Variants in DGKB observed in about 807,000 individuals in gnomAD.
The protein encoded by DGKB is 90 kDa diacylglycerol kinase.
In DGKB, 67 loss-of-function variants were observed where a neutral mutation model predicts 114.3. The observed-to-expected ratio is 0.59, with a 90% CI of 0.48 to 0.72. The LOEUF (loss-of-function observed/expected upper bound fraction) is 0.72, where lower values mean the gene tolerates loss of function less well. DGKB is among the 30% of genes least tolerant of loss of function. The pLI, the probability that DGKB is intolerant of heterozygous loss-of-function variation, is 0.00. For synonymous variants in DGKB, 398 were observed against 323.1 expected, an observed-to-expected ratio of 1.23 and a Z score of -2.49; for missense variants, 907 against 975.2, an observed-to-expected ratio of 0.93 and a Z score of 0.93.
chr7:14,630,019 A>C (rs1809395083), intron 14 of DGKB, among the ~76,000 whole-genome samples: 1 of 152,030 alleles, frequency 6.6e-6, no homozygotes, highest in African/African-American at 2.4e-5. Flanking sequence ...TTGTTTTCTT[A>C]ATGCTTATCA....
chr7:14,292,407 C>A (rs1380346581), intron 23 of DGKB, among the ~76,000 whole-genome samples: 1 of 152,172 alleles, frequency 6.6e-6, no homozygotes, highest in Non-Finnish European at 1.5e-5. Context: ...CACAGCAATA[C>A]TCCCATTCTG....
chr7:14,820,172 T>C (rs746746233), intron 2 of DGKB, among the ~76,000 whole-genome samples: 1 of 152,188 alleles, frequency 6.6e-6, no homozygotes, highest in Non-Finnish European at 1.5e-5. Context: ...TAAGCCATAC[T>C]TGGTCACCTT....
chr7:14,231,082 C>CCTTTCTTTATTT (rs1791670600), intron 23 of DGKB, among the ~76,000 whole-genome samples: 2 of 121,764 alleles, frequency 1.6e-5, no homozygotes, highest in East Asian at 4.9e-4. Context: ...TTCTTCTTTC[C>CCTTTCTTTATTT]CTTTCTTTCT....
intron 23 of DGKB, among the ~76,000 whole-genome samples, chr7:14,326,994 A>G (rs1051707527): frequency 5.3e-5 from 8 of 152,162 alleles, no homozygotes; most frequent in African/African-American, 1.7e-4. Flanking sequence ...CATGTGTACT[A>G]AAGTCTACCA....
intron 2 of DGKB, among the ~76,000 whole-genome samples, chr7:14,765,426 T>G (rs1836306393): frequency 6.6e-6 from 1 of 152,094 alleles, no homozygotes; most frequent in East Asian, 1.9e-4. Context: ...GACTACAGAT[T>G]TGAGAACATG....
At chr7:14,474,104 T>C (rs1781816488) in intron 21 of DGKB, among the ~76,000 whole-genome samples, 2 of 152,210 alleles carry the variant, frequency 1.3e-5, no homozygotes, top group Admixed American at 1.3e-4. Flanking sequence ...ATGGGCAGAA[T>C]GATATGGTTT....
chr7:14,443,860 G>C (rs73679768), intron 21 of DGKB, among the ~76,000 whole-genome samples: 14,079 of 151,882 alleles, frequency 0.093, 775 homozygotes, highest in East Asian at 0.22. Context: ...TTTATGCACT[G>C]TTACTTTAAA....
intron 1 of DGKB, among the ~76,000 whole-genome samples, chr7:14,973,490 GT>G (rs1012265443): frequency 5.7e-5 from 8 of 139,722 alleles, no homozygotes; most frequent in South Asian, 2.3e-4. Context: ...TTGTTGTTTT[GT>G]TTTTTTGTTT....
intron 25 of DGKB, among the ~76,000 whole-genome samples, chr7:14,149,624 G>A (rs1781885094): frequency 6.6e-6 from 1 of 152,090 alleles, no homozygotes; most frequent in Admixed American, 6.6e-5. Flanking sequence ...CACCATTATA[G>A]TTTCCAGAGT....
At position 14,626,062 on chromosome 7, in the gene DGKB, A is replaced by C. The variant is rs546046288; in HGVS notation, c.1167+4174T>G. On this transcript the variant is annotated intron_variant, in intron 14 of 25. Coordinates refer to ENST00000402815, the MANE Select transcript of DGKB (RefSeq NM_001350709.2). ...AGAAAATAGAAAGGTGAAATGAATA[A>C]AATAAAAAGACCTCACTTTAAATAT... 1.7e-3 allele frequency among the ~76,000 whole-genome samples: 261 copies of C among 152,302 alleles called. 2 individuals are homozygous for C. Among genetic ancestry groups the C allele is most frequent in the African/African-American group, 6.1e-3 (255 of 41,570 alleles).
intron 25 of DGKB, among the ~76,000 whole-genome samples, chr7:14,149,605 G>A (rs1378296005): frequency 6.6e-6 from 1 of 152,054 alleles, no homozygotes; most frequent in African/African-American, 2.4e-5. Flanking sequence ...TTGAAGTCAG[G>A]AAAGAAGGCA....
chr7:14,767,281 T>C (rs370477738), intron 2 of DGKB, among the ~76,000 whole-genome samples: 18 of 152,022 alleles, frequency 1.2e-4, no homozygotes, highest in Middle Eastern at 6.8e-3. Flanking sequence ...ATCTTCTTCA[T>C]AGCAGAAGGT....
chr7:14,239,192 T>C (rs1793274456), intron 23 of DGKB, among the ~76,000 whole-genome samples: 1 of 152,076 alleles, frequency 6.6e-6, no homozygotes, highest in African/African-American at 2.4e-5. Context: ...TTTGTTTCCA[T>C]GGGTTGTTTT....
intron 4 of DGKB, among the ~76,000 whole-genome samples, chr7:14,736,753 G>A (rs1288806937): frequency 6.6e-6 from 1 of 152,174 alleles, no homozygotes; most frequent in African/African-American, 2.4e-5. Flanking sequence ...ACTTTCCAAA[G>A]AAACATATTT....
At chr7:14,497,384 A>C (rs1785464601) in intron 20 of DGKB, among the ~76,000 whole-genome samples, 1 of 151,852 alleles carries the variant, frequency 6.6e-6, no homozygotes, top group Non-Finnish European at 1.5e-5. Flanking sequence ...AAAAAAAGAA[A>C]AGTGAACATC....
chr7:14,557,754 A>T (rs2128661712), intron 20 of DGKB, among the ~76,000 whole-genome samples: 1 of 151,882 alleles, frequency 6.6e-6, no homozygotes, highest in African/African-American at 2.4e-5. Context: ...GCTTATGGAA[A>T]TTCTTAAATT....
chr7:14,834,982 C>G (rs1846954025), intron 2 of DGKB, among the ~76,000 whole-genome samples: 1 of 151,904 alleles, frequency 6.6e-6, no homozygotes, highest in African/African-American at 2.4e-5. Context: ...GAGAAGCCAC[C>G]AACAGGAAAT....
chr7:14,412,761 C>T (rs1310829275), intron 21 of DGKB, among the ~76,000 whole-genome samples: 2 of 152,050 alleles, frequency 1.3e-5, no homozygotes, highest in African/African-American at 2.4e-5. Context: ...GGAAGTGGAT[C>T]ACCTGAGGTC....
chr7:14,543,903 A>G (rs899569198), intron 20 of DGKB, among the ~76,000 whole-genome samples: 4 of 152,248 alleles, frequency 2.6e-5, no homozygotes, highest in Non-Finnish European at 4.4e-5. Context: ...AGGGACAGGT[A>G]GAGTATTTTT....
Sources: allele counts gnomAD v4.1 joint callset (sites outside exome capture counted in the v4.1 genomes callset), GRCh38; gene constraint gnomAD v4.1.1; transcripts MANE v1.5; gene names NCBI Gene and HGNC (gene_info 2026-07-23, HGNC 2026-07-21).